SLC44A5: variants seen among roughly 807,000 people sequenced by gnomAD.
SLC44A5 encodes choline transporter-like protein 5.
SLC44A5 carries 57 observed loss-of-function variants against 101.8 expected under a neutral mutation model. The ratio of observed to expected loss-of-function variants is 0.56; its 90% CI spans 0.45 to 0.70. The LOEUF is 0.70. SLC44A5 is among the 30% of genes least tolerant of loss of function. The probability of loss-of-function intolerance (pLI) is 0.00; values close to 1 mark genes in which losing one functional copy is unlikely to be tolerated. For missense variants in SLC44A5, 737 were observed against 853.1 expected (o/e 0.86, Z 1.70); for synonymous variants, 281 against 290.9 (o/e 0.97, Z 0.35).
chr1:75,265,864 T>C (rs909341959), intron 6 of SLC44A5, among the ~76,000 whole-genome samples: 1 of 152,160 alleles, frequency 6.6e-6, no homozygotes, highest in African/African-American at 2.4e-5. Flanking sequence ...CAAGCTGAAG[T>C]TTTTGTAGTA....
the SLC44A5 span, among the ~76,000 whole-genome samples, chr1:75,684,143 C>T: frequency 6.6e-6 from 1 of 152,078 alleles, no homozygotes. Flanking sequence ...ATAAAACCAT[C>T]AGATCTCCTG....
the SLC44A5 span, among the ~76,000 whole-genome samples, chr1:75,690,111 C>T: frequency 3.9e-5 from 6 of 152,284 alleles, no homozygotes; most frequent in South Asian, 1.0e-3. Flanking sequence ...TCCATCCTCA[C>T]ACTGCTATAA....
At chr1:75,527,396 G>A (rs994898752) in intron 2 of SLC44A5, among the ~76,000 whole-genome samples, 3 of 144,756 alleles carry the variant, frequency 2.1e-5, no homozygotes, top group South Asian at 2.3e-4. Context: ...TCCTGTATGG[G>A]TCAGATGTGT....
chr1:75,332,377 C>T (rs2101005214), intron 4 of SLC44A5, among the ~76,000 whole-genome samples: 1 of 152,124 alleles, frequency 6.6e-6, no homozygotes, highest in Middle Eastern at 3.4e-3. Context: ...TCTAATGCAT[C>T]CAGATGTTTT....
chr1:75,556,159 G>C (rs1408728228), intron 1 of SLC44A5, among the ~76,000 whole-genome samples: 1 of 152,042 alleles, frequency 6.6e-6, no homozygotes, highest in African/African-American at 2.4e-5. Context: ...TTGTGATCAT[G>C]ATGTGAAACT....
chr1:75,682,228 T>C, the SLC44A5 span, among the ~76,000 whole-genome samples: 9 of 152,196 alleles, frequency 5.9e-5, no homozygotes, highest in African/African-American at 2.2e-4. Flanking sequence ...TACGAATGCC[T>C]TTCTTCACAG....
chr1:75,243,663 T>G (rs753325000), intron 7 of SLC44A5, among the ~76,000 whole-genome samples: 12 of 152,086 alleles, frequency 7.9e-5, no homozygotes, highest in Non-Finnish European at 1.8e-4. Context: ...GGTAAGAACT[T>G]TCATAACCAT....
At chr1:75,235,231 T>A (rs1440279853) in intron 11 of SLC44A5, among the ~76,000 whole-genome samples, 1 of 151,826 alleles carries the variant, frequency 6.6e-6, no homozygotes, top group Non-Finnish European at 1.5e-5. Flanking sequence ...TATTCAGAAA[T>A]GTCAGAGGAA....
At chr1:75,264,655 G>A (rs141970442) in intron 6 of SLC44A5, among the ~76,000 whole-genome samples, 2 of 152,026 alleles carry the variant, frequency 1.3e-5, no homozygotes, top group East Asian at 1.9e-4. Context: ...AGTGCTAAGA[G>A]GAAAATTTAT....
chr1:75,666,299 C>T, the SLC44A5 span, among the ~76,000 whole-genome samples: 1 of 152,106 alleles, frequency 6.6e-6, no homozygotes, highest in Non-Finnish European at 1.5e-5. Context: ...ACTATAAACA[C>T]CTCTACACAA....
At chr1:75,325,089 A>C (rs1656475815) in intron 4 of SLC44A5, among the ~76,000 whole-genome samples, 1 of 152,122 alleles carries the variant, frequency 6.6e-6, no homozygotes, top group Non-Finnish European at 1.5e-5. Context: ...TCTCAACACA[A>C]CCAGGGTAAT....
At chr1:75,375,130 G>A (rs919615909) in intron 3 of SLC44A5, among the ~76,000 whole-genome samples, 20 of 152,192 alleles carry the variant, frequency 1.3e-4, no homozygotes, top group Non-Finnish European at 2.4e-4. Context: ...TCCAAGTATC[G>A]AAAGACAACA....
chr1:75,482,197 A>G (rs1364124219), intron 2 of SLC44A5, among the ~76,000 whole-genome samples: 5 of 150,706 alleles, frequency 3.3e-5, no homozygotes, highest in Non-Finnish European at 5.9e-5. Flanking sequence ...ACATGTTCTC[A>G]CTCATAGGTG....
chr1:75,627,624 A>T, the SLC44A5 span, among the ~76,000 whole-genome samples: 1 of 152,006 alleles, frequency 6.6e-6, no homozygotes, highest in African/African-American at 2.4e-5. Flanking sequence ...ACGAAGCTAG[A>T]GTGAATTATG....
chr1:75,709,296 A>T, the SLC44A5 span, among the ~76,000 whole-genome samples: 1 of 152,228 alleles, frequency 6.6e-6, no homozygotes. Context: ...AATACTTAGA[A>T]ATCTATTTTA....
chr1:75,415,433 A>C (rs907511267), intron 2 of SLC44A5, among the ~76,000 whole-genome samples: 2 of 152,176 alleles, frequency 1.3e-5, no homozygotes, highest in East Asian at 1.9e-4. Flanking sequence ...AGCCATGTGG[A>C]ACTAAGTCTA....
At chr1:75,480,859 C>T (rs1309744147) in intron 2 of SLC44A5, among the ~76,000 whole-genome samples, 1 of 152,212 alleles carries the variant, frequency 6.6e-6, no homozygotes, top group African/African-American at 2.4e-5. Flanking sequence ...ATGCCATCCC[C>T]ATCAAGCTAC....
chr1:75,529,278 A>G (rs185122536), intron 2 of SLC44A5, among the ~76,000 whole-genome samples: 1 of 152,316 alleles, frequency 6.6e-6, no homozygotes. Flanking sequence ...TGCATTAAAA[A>G]TGGCTCATTA....
the SLC44A5 span, among the ~76,000 whole-genome samples, chr1:75,675,787 A>T: frequency 6.6e-6 from 1 of 152,260 alleles, no homozygotes; most frequent in South Asian, 2.1e-4. Flanking sequence ...ATGAGAGAAA[A>T]TTTTTGCAAT....
Sources: gnomAD v4.1 joint callset for allele counts (sites outside exome capture counted in the v4.1 genomes callset) on GRCh38, gnomAD v4.1.1 for gene constraint, MANE v1.5 for transcripts, NCBI Gene and HGNC (gene_info 2026-07-23, HGNC 2026-07-21) for gene names.